FMN1: variants seen among roughly 807,000 people sequenced by gnomAD.
FMN1 encodes formin-1.
In FMN1, 110 loss-of-function variants were observed where a neutral mutation model predicts 132.4. The observed-to-expected ratio is 0.83, with a 90% CI of 0.71 to 0.97. The LOEUF (loss-of-function observed/expected upper bound fraction) is 0.97, where lower values mean the gene tolerates loss of function less well. FMN1 is among the 50% of genes least tolerant of loss of function. The pLI is 0.00. For missense variants in FMN1, 1,792 were observed against 1,705.3 expected (o/e 1.05, Z -0.90); for synonymous variants, 722 against 651.7 (o/e 1.11, Z -1.64).
At chr15:33,091,718 CT>C in intron 4 of FMN1, among the ~76,000 whole-genome samples, 1 of 152,182 alleles carries the variant, frequency 6.6e-6, no homozygotes, top group East Asian at 1.9e-4. Flanking sequence ...ATACAAACAA[CT>C]TTTTTTCAGT....
chr15:33,004,186 G>A lies in FMN1; in HGVS notation c.2223+3828C>T, dbSNP rs560395711. Among the ~76,000 whole-genome samples the A allele has an allele frequency of 1.6e-4, 25 of 152,210 alleles. No homozygotes were observed. The East Asian group carries it at 4.1e-3, about 25-fold the overall frequency. On this transcript the variant is annotated intron_variant, in intron 7 of 20. Transcript: ENST00000616417. ...AAGCAATGGCAACAAAACCAAAATT[G>A]ACAAATGGGATCTAATTAAACTAAA...
At chr15:33,005,676 G>C (rs1271112947) in intron 7 of FMN1, among the ~76,000 whole-genome samples, 1 of 152,148 alleles carries the variant, frequency 6.6e-6, no homozygotes, top group Non-Finnish European at 1.5e-5. Context: ...CGCCAGGCTG[G>C]TCTACAGTTT....
At chr15:32,803,696 C>T (rs1312019121) in intron 18 of FMN1, among the ~76,000 whole-genome samples, 1 of 152,136 alleles carries the variant, frequency 6.6e-6, no homozygotes, top group African/African-American at 2.4e-5. Flanking sequence ...TAATAAGTCT[C>T]TTGGGTGTCT....
At chr15:32,993,060 G>T (rs200896237) in intron 7 of FMN1, among the ~76,000 whole-genome samples, 1 of 152,178 alleles carries the variant, frequency 6.6e-6, no homozygotes, top group East Asian at 1.9e-4. Context: ...TGTAAGGGAT[G>T]CTTCATTCTC....
chr15:33,000,123 G>A (rs1432570978), intron 7 of FMN1, among the ~76,000 whole-genome samples: 2 of 152,170 alleles, frequency 1.3e-5, no homozygotes, highest in South Asian at 2.1e-4. Flanking sequence ...TGACTAGGAA[G>A]GAGAACTTCC....
At chr15:32,839,335 T>C (rs1370615195) in intron 17 of FMN1, among the ~76,000 whole-genome samples, 2 of 152,218 alleles carry the variant, frequency 1.3e-5, no homozygotes, top group Middle Eastern at 3.4e-3. Context: ...CCTTCAGGCG[T>C]TGGCAGCAAG....
intron 17 of FMN1, among the ~76,000 whole-genome samples, chr15:32,835,648 C>T (rs2058605569): frequency 6.6e-6 from 1 of 152,136 alleles, no homozygotes; most frequent in Non-Finnish European, 1.5e-5. Context: ...AATTCTATTT[C>T]AATCCTCCTG....
At chr15:33,110,353 CAAAA>C (rs2039653716) in intron 4 of FMN1, among the ~76,000 whole-genome samples, 1 of 151,842 alleles carries the variant, frequency 6.6e-6, no homozygotes, top group Non-Finnish European at 1.5e-5. Flanking sequence ...CATGTGGAAC[CAAAA>C]GGTTATGTAT....
At chr15:32,800,374 C>T (rs1338561971) in intron 18 of FMN1, among the ~76,000 whole-genome samples, 1 of 152,176 alleles carries the variant, frequency 6.6e-6, no homozygotes, top group Non-Finnish European at 1.5e-5. Flanking sequence ...TCCAAACATA[C>T]ATAATGTTGA....
intron 9 of FMN1, among the ~76,000 whole-genome samples, chr15:32,948,421 T>G (rs1185001032): frequency 1.3e-5 from 2 of 151,962 alleles, no homozygotes; most frequent in African/African-American, 4.8e-5. Flanking sequence ...ATCAAGATTA[T>G]ATATACTAGT....
At chr15:32,978,736 T>C (rs1366419703) in intron 7 of FMN1, among the ~76,000 whole-genome samples, 1 of 152,192 alleles carries the variant, frequency 6.6e-6, no homozygotes, top group East Asian at 1.9e-4. Flanking sequence ...TATTTCCCTC[T>C]AGATGCCTCA....
chr15:32,990,544 G>A (rs568382067), intron 7 of FMN1, among the ~76,000 whole-genome samples: 3 of 152,206 alleles, frequency 2.0e-5, no homozygotes, highest in South Asian at 4.1e-4. Flanking sequence ...GAGAAGGAAT[G>A]GAAGGTCAAA....
In FMN1 at chr15:32,815,188, C is replaced by T. The variant is rs559558328; in HGVS notation, c.3929-10856G>A. On this transcript the variant is annotated intron_variant, in intron 17 of 20. Transcript: ENST00000616417. ...CGATCTCCTGACCTCGTGATCTGCCCGCCTCAGCCTCCCAAAGTGCTGGGA... is the reference window on the plus strand; with the variant it reads ...CGATCTCCTGACCTCGTGATCTGCCTGCCTCAGCCTCCCAAAGTGCTGGGA... 9.2e-5 allele frequency among the ~76,000 whole-genome samples: 14 copies of T among 152,274 alleles called. 1 individual carries two copies. Among genetic ancestry groups the T allele is most frequent in the African/African-American group, 3.1e-4 (13 of 41,558 alleles).
intron 4 of FMN1, among the ~76,000 whole-genome samples, chr15:33,115,491 GCCC>G (rs11289173): frequency 2.1e-4 from 29 of 135,986 alleles, no homozygotes; most frequent in Admixed American, 4.4e-4. Flanking sequence ...TCATCCTTAA[GCCC>G]CCCCCCCCCA....
intron 7 of FMN1, among the ~76,000 whole-genome samples, chr15:32,980,673 C>G (rs188161302): frequency 6.6e-6 from 1 of 152,184 alleles, no homozygotes; most frequent in Non-Finnish European, 1.5e-5. Flanking sequence ...GAATCTATGT[C>G]TCTAAAATGG....
chr15:33,006,991 G>A (rs950269262), intron 7 of FMN1, among the ~76,000 whole-genome samples: 2 of 152,006 alleles, frequency 1.3e-5, no homozygotes, highest in African/African-American at 4.8e-5. Context: ...TGTACAACAT[G>A]GTGACTATAG....
intron 14 of FMN1, chr15:32,899,743 C>T: frequency 5.4e-6 from 3 of 556,222 alleles, no homozygotes; most frequent in Non-Finnish European, 9.5e-6. Context: ...TGTCAGAGCA[C>T]ACGAAGATGG....
At chr15:33,128,607 G>T (rs927728772) in intron 4 of FMN1, among the ~76,000 whole-genome samples, 12 of 152,156 alleles carry the variant, frequency 7.9e-5, no homozygotes, top group Admixed American at 6.6e-4. Flanking sequence ...AAACATACCC[G>T]CGGACCTTTG....
intron 7 of FMN1, among the ~76,000 whole-genome samples, chr15:32,983,659 ATCTC>A (rs150175203): frequency 6.6e-6 from 1 of 152,198 alleles, no homozygotes; most frequent in Non-Finnish European, 1.5e-5. Context: ...CTGCAACAAA[ATCTC>A]TCTCTGTTGA....
Sources: gnomAD v4.1 joint callset for allele counts (sites outside exome capture counted in the v4.1 genomes callset) on GRCh38, gnomAD v4.1.1 for gene constraint, MANE v1.5 for transcripts, NCBI Gene and HGNC (gene_info 2026-07-23, HGNC 2026-07-21) for gene names.